SPSB4: variants seen among roughly 807,000 people sequenced by gnomAD.
SPSB4 encodes the protein splA/ryanodine receptor domain and SOCS box containing 4, also known as SPRY domain-containing SOCS box protein 4.
In SPSB4, 21 loss-of-function variants were observed where a neutral mutation model predicts 20.9. That is an observed-to-expected ratio of 1.01 (90% CI 0.71 to 1.45). The LOEUF (loss-of-function observed/expected upper bound fraction) is 1.45, where lower values mean the gene tolerates loss of function less well. Ranked by LOEUF, SPSB4 falls within the 40% of genes most tolerant of loss-of-function variation. The probability of loss-of-function intolerance (pLI) is 0.00; values close to 1 mark genes in which losing one functional copy is unlikely to be tolerated. For synonymous variants in SPSB4, 207 were observed against 183.8 expected (o/e 1.13, Z -1.02); for missense variants, 399 against 399.2 (o/e 1.00, Z 0.00).
intron 1 of SPSB4, among the ~76,000 whole-genome samples, chr3:141,063,520 G>T (rs1375424151): frequency 6.6e-6 from 1 of 152,094 alleles, no homozygotes; most frequent in African/African-American, 2.4e-5. Flanking sequence ...TAGTTCTGGA[G>T]GTTACCTTTA....
chr3:141,117,973 T>C (rs1458822773), intron 2 of SPSB4, among the ~76,000 whole-genome samples: 2 of 152,242 alleles, frequency 1.3e-5, no homozygotes, highest in Admixed American at 1.3e-4. Flanking sequence ...TACGTGTGCA[T>C]GTGTCTTTAT....
intron 1 of SPSB4, among the ~76,000 whole-genome samples, chr3:141,055,719 T>G (rs1937623932): frequency 2.0e-5 from 3 of 151,958 alleles, no homozygotes; most frequent in African/African-American, 7.3e-5. Context: ...GAACCTGGCA[T>G]GTGAGAGAGG....
In SPSB4 at chr3:141,122,803, G is replaced by A. The variant is rs116215802; in HGVS notation, c.695-24339G>A. ...CTGTTGCAAAGACTGTGGGAAAAGC[G>A]CAGTATTTGGGCAGGAGTGTACCGT... On this transcript the variant is annotated intron_variant, in intron 2 of 2. Coordinates refer to ENST00000310546, the MANE Select transcript of SPSB4 (RefSeq NM_080862.3). 4.6e-3 allele frequency among the ~76,000 whole-genome samples: 702 copies of A among 152,346 alleles called. 9 individuals are homozygous for A. Among genetic ancestry groups the A allele is most frequent in the African/African-American group, 0.016 (648 of 41,574 alleles).
intron 2 of SPSB4, among the ~76,000 whole-genome samples, chr3:141,142,504 A>T (rs1359897127): frequency 6.6e-6 from 1 of 152,144 alleles, no homozygotes; most frequent in Admixed American, 6.5e-5. Context: ...TGAAGAAAAG[A>T]ATGTATATTC....
At chr3:141,079,777 G>C (rs1938191940) in intron 2 of SPSB4, among the ~76,000 whole-genome samples, 1 of 152,250 alleles carries the variant, frequency 6.6e-6, no homozygotes, top group Non-Finnish European at 1.5e-5. Flanking sequence ...AGGGAGGTCA[G>C]CTGCTGCAGT....
intron 2 of SPSB4, among the ~76,000 whole-genome samples, chr3:141,122,106 A>G (rs924883442): frequency 6.6e-6 from 1 of 151,806 alleles, no homozygotes; most frequent in Non-Finnish European, 1.5e-5. Flanking sequence ...TTTGGTGTGG[A>G]TGTGCTTTTT....
intron 2 of SPSB4, among the ~76,000 whole-genome samples, chr3:141,078,970 G>C (rs1938169443): frequency 6.6e-6 from 1 of 152,186 alleles, no homozygotes; most frequent in Non-Finnish European, 1.5e-5. Flanking sequence ...AGGATGAAAA[G>C]CACATTTGGG....
intron 2 of SPSB4, among the ~76,000 whole-genome samples, chr3:141,095,219 C>T (rs1389223141): frequency 1.3e-5 from 2 of 152,100 alleles, no homozygotes; most frequent in East Asian, 3.9e-4. Flanking sequence ...CCTCCGCAGT[C>T]CCCGGAGAGT....
intron 2 of SPSB4, among the ~76,000 whole-genome samples, chr3:141,074,851 A>G (rs778167197): frequency 1.3e-5 from 2 of 152,194 alleles, no homozygotes; most frequent in Non-Finnish European, 2.9e-5. Context: ...GACCTTTGGG[A>G]AAAAGGGAAG....
At chr3:141,121,918 A>G (rs1938973844) in intron 2 of SPSB4, among the ~76,000 whole-genome samples, 1 of 152,186 alleles carries the variant, frequency 6.6e-6, no homozygotes, top group African/African-American at 2.4e-5. Flanking sequence ...ACTTCTGTCA[A>G]CTTGTCAAAC....
rs1426813148 is a variant in SPSB4 at position 141,112,670 on chromosome 3, G to C, written c.695-34472G>C. On this transcript the variant is annotated intron_variant, in intron 2 of 2. Transcript: ENST00000310546. ...AAAAAAAAAAAAAAAAAAAAAAAAA[G>C]ACAGAAGGAATCTTGTTCAACTAAA... 1.6e-3 allele frequency among the ~76,000 whole-genome samples: 172 copies of C among 107,136 alleles called. 1 individual carries two copies. Among genetic ancestry groups the C allele is most frequent in the African/African-American group, 6.2e-3 (164 of 26,478 alleles). 70.3% of individuals were successfully genotyped at this position (107,136 alleles called of 152,430 possible). A position where few individuals can be genotyped will look rare whatever the true frequency, so the allele number is the denominator to read the frequency against.
chr3:141,065,505 A>T (rs1238603748), intron 1 of SPSB4, among the ~76,000 whole-genome samples: 1 of 152,158 alleles, frequency 6.6e-6, no homozygotes, highest in Admixed American at 6.5e-5. Flanking sequence ...CTGGGTTCTC[A>T]TCCAGGCTCT....
intron 2 of SPSB4, among the ~76,000 whole-genome samples, chr3:141,140,004 C>T (rs569482623): frequency 1.4e-4 from 22 of 152,164 alleles, no homozygotes; most frequent in Admixed American, 1.4e-3. Context: ...TTCACATAGT[C>T]CCATATTTCT....
chr3:141,143,849 A>T (rs985219578), intron 2 of SPSB4, among the ~76,000 whole-genome samples: 2 of 152,246 alleles, frequency 1.3e-5, no homozygotes, highest in African/African-American at 4.8e-5. Context: ...TTTTAATTAC[A>T]TCTGAGAGTT....
chr3:141,068,248 T>C (rs1014770205), intron 2 of SPSB4, among the ~76,000 whole-genome samples: 7 of 152,224 alleles, frequency 4.6e-5, no homozygotes, highest in African/African-American at 1.7e-4. Flanking sequence ...CCGTGGTTGT[T>C]GCCTACAATT....
chr3:141,061,605 A>C (rs1199444564), intron 1 of SPSB4, among the ~76,000 whole-genome samples: 1 of 151,638 alleles, frequency 6.6e-6, no homozygotes, highest in East Asian at 1.9e-4. Context: ...ATTATTATTA[A>C]CTTATTTTAA....
chr3:141,059,444 C>T (rs1235143942), intron 1 of SPSB4, among the ~76,000 whole-genome samples: 3 of 134,688 alleles, frequency 2.2e-5, no homozygotes, highest in African/African-American at 8.4e-5. Context: ...ACAGTCATGG[C>T]AGAAGGTGAA....
chr3:141,136,833 G>C (rs964662788), intron 2 of SPSB4, among the ~76,000 whole-genome samples: 2 of 152,092 alleles, frequency 1.3e-5, no homozygotes, highest in African/African-American at 4.8e-5. Flanking sequence ...GCTCTTTTTT[G>C]GTTCCATATG....
chr3:141,110,860 A>G (rs909273573), intron 2 of SPSB4, among the ~76,000 whole-genome samples: 1 of 152,224 alleles, frequency 6.6e-6, no homozygotes, highest in Non-Finnish European at 1.5e-5. Context: ...GAACAACCAC[A>G]TTGACCTCCA....
Sources: gnomAD v4.1 joint callset for allele counts (sites outside exome capture counted in the v4.1 genomes callset) on GRCh38, gnomAD v4.1.1 for gene constraint, MANE v1.5 for transcripts, NCBI Gene and HGNC (gene_info 2026-07-23, HGNC 2026-07-21) for gene names.